WDR72: variants seen among roughly 807,000 people sequenced by gnomAD.
The protein encoded by WDR72 is WD repeat-containing protein 72.
WDR72 carries 120 observed loss-of-function variants against 124.2 expected under a neutral mutation model. That is an observed-to-expected ratio of 0.97 (90% confidence interval 0.83 to 1.12). WDR72 has a LOEUF of 1.12. Ranked by LOEUF, WDR72 falls within the 50% of genes most tolerant of loss-of-function variation. The pLI, the probability that WDR72 is intolerant of heterozygous loss-of-function variation, is 0.00. For synonymous variants in WDR72, 452 were observed against 441.7 expected (o/e 1.02, Z -0.29); for missense variants, 1,387 against 1,278.8 (o/e 1.08, Z -1.29).
intron 4 of WDR72, 124 bp from the exon 5 acceptor site, chr15:53,715,491 G>A (rs548399057): frequency 8.7e-7 from 1 of 1,152,780 alleles, no homozygotes; most frequent in East Asian, 2.6e-5. Context: ...GAACTGAATA[G>A]CAACTAAAAT....
rs762766319 is a variant in WDR72 at position 53,732,993 on chromosome 15, T to C, written c.153+4A>G. 6.2e-7 allele frequency: 1 copy of C among 1,614,058 alleles called. No homozygotes were observed. The highest frequency in any genetic ancestry group is 1.1e-5 in the South Asian group (1 of 91,086). ...CTGTTTCAATATCAGTAGCTTTCAC[T>C]AACCTTTAGTTCATGTGAGAGATTC... On this transcript the variant is annotated splice_donor_region_variant and intron_variant, in intron 2 of 19. Transcript: ENST00000360509.
chr15:53,696,994 A>C (rs773882135), intron 13 of WDR72, among the ~76,000 whole-genome samples: 1 of 152,252 alleles, frequency 6.6e-6, no homozygotes, highest in Non-Finnish European at 1.5e-5. Context: ...TAGAATCATT[A>C]ATACTATCAT....
chr15:53,581,518 G>T (rs1298135904), intron 18 of WDR72, among the ~76,000 whole-genome samples: 1 of 152,044 alleles, frequency 6.6e-6, no homozygotes, highest in African/African-American at 2.4e-5. Context: ...ACAATAAAAT[G>T]AATCTAGTCA....
At position 53,529,164 on chromosome 15, in the gene WDR72, A is replaced by ATATATATTTTTT. The variant is rs59003623; in HGVS notation, c.3149-5843_3149-5842insAAAAAATATATA. ...TTAGCCCATATATATATATATATAT[A>ATATATATTTTTT]TTTTTTTTTTTTTTTTTAAAAGAAT... On this transcript the variant is annotated intron_variant, in intron 18 of 19. Transcript: ENST00000360509. 6.4e-5 allele frequency among the ~76,000 whole-genome samples: 5 copies of ATATATATTTTTT among 78,168 alleles called. 1 individual carries two copies. Among genetic ancestry groups the ATATATATTTTTT allele is most frequent in the African/African-American group, 2.5e-4 (5 of 20,062 alleles). 51.3% of individuals were successfully genotyped at this position (78,168 alleles called of 152,430 possible).
chr15:53,632,877 C>T (rs912845645), intron 14 of WDR72, among the ~76,000 whole-genome samples: 1 of 152,220 alleles, frequency 6.6e-6, no homozygotes, highest in Admixed American at 6.5e-5. Flanking sequence ...AATGTTTGTA[C>T]CCCCATTGTA....
rs1012475344 is a variant in WDR72, at chr15:53,683,042, G to T, written c.1765+16708C>A. ...ACAGTGGTAGGAGAGAAGTGTAAAG[G>T]AGCAACTTCCAAATACTTTTAAAAC... On this transcript the variant is annotated intron_variant, in intron 13 of 19. Coordinates refer to ENST00000360509, the MANE Select transcript of WDR72 (RefSeq NM_182758.4). Among the ~76,000 whole-genome samples, 3 of 152,108 alleles carry T rather than the reference G, an allele frequency of 2.0e-5. No individual in the cohort carries two copies. The South Asian group carries it at 6.2e-4, about 32-fold the overall frequency.
Position 53,597,065 on chromosome 15 carries a change from A to C in WDR72, c.3148+14T>G. On this transcript the variant is annotated intron_variant, in intron 18 of 19. Transcript: ENST00000360509. ...GTTCTGTTGAAAGAGTATACCAATAAATTTTGTACTTACTTTGCAGAGGCA... is the reference window on the plus strand; with the variant it reads ...GTTCTGTTGAAAGAGTATACCAATACATTTTGTACTTACTTTGCAGAGGCA... The C allele has an allele frequency of 1.2e-6, 2 of 1,612,964 alleles. No individual in the cohort carries two copies. Among genetic ancestry groups the C allele is most frequent in the Non-Finnish European group, 1.7e-6 (2 of 1,179,326 alleles).
At chr15:53,739,178 A>C (rs2018439240) in intron 1 of WDR72, among the ~76,000 whole-genome samples, 1 of 152,192 alleles carries the variant, frequency 6.6e-6, no homozygotes, top group African/African-American at 2.4e-5. Context: ...AGACAGAAGG[A>C]GAATGAAGTG....
chr15:53,612,754 C>T (rs928445449), intron 16 of WDR72, among the ~76,000 whole-genome samples: 18 of 151,998 alleles, frequency 1.2e-4, no homozygotes, highest in Non-Finnish European at 1.6e-4. Flanking sequence ...TATACATAGA[C>T]GAGTGAGGTT....
At chr15:53,597,414 C>T in intron 17 of WDR72, 140 bp from the exon 18 acceptor site, 1 of 802,244 alleles carries the variant, frequency 1.2e-6, no homozygotes, top group Non-Finnish European at 1.9e-6. Flanking sequence ...GAATTAGCAT[C>T]CACAACAACT....
chr15:53,616,559 G>C (rs1358868479), intron 14 of WDR72, among the ~76,000 whole-genome samples: 1 of 151,376 alleles, frequency 6.6e-6, no homozygotes, highest in Non-Finnish European at 1.5e-5. Context: ...TACTATTATT[G>C]TCATAAAGAC....
chr15:53,706,358 A>G (rs1320560430), intron 9 of WDR72, among the ~76,000 whole-genome samples: 532 of 39,774 alleles, frequency 0.013, 22 homozygotes, highest in Non-Finnish European at 0.015. Context: ...GTGTATATAT[A>G]TATATATATA....
chr15:53,755,635 G>C (rs190011745), intron 1 of WDR72, among the ~76,000 whole-genome samples: 34 of 152,304 alleles, frequency 2.2e-4, no homozygotes, highest in African/African-American at 7.2e-4. Context: ...TCTTGACTCT[G>C]TTCTCCTCTT....
chr15:53,543,034 C>T (rs1245000107), intron 18 of WDR72, among the ~76,000 whole-genome samples: 1 of 150,818 alleles, frequency 6.6e-6, no homozygotes, highest in Non-Finnish European at 1.5e-5. Context: ...GACTCCCACA[C>T]ATTAATAATG....
intron 18 of WDR72, among the ~76,000 whole-genome samples, chr15:53,537,274 GACATTGTATAATTAT>G (rs1298019421): frequency 6.6e-6 from 1 of 152,136 alleles, no homozygotes; most frequent in African/African-American, 2.4e-5. Context: ...TTAATTGAAT[GACATTGTATAATTAT>G]TAGATGTTCA....
intron 18 of WDR72, among the ~76,000 whole-genome samples, chr15:53,570,191 T>C (rs1291599048): frequency 6.6e-6 from 1 of 152,038 alleles, no homozygotes; most frequent in East Asian, 1.9e-4. Flanking sequence ...CACAACATGA[T>C]GTTTCGAAAT....
chr15:53,724,491 A>G (rs1352384628), intron 2 of WDR72, among the ~76,000 whole-genome samples: 1 of 152,202 alleles, frequency 6.6e-6, no homozygotes, highest in Non-Finnish European at 1.5e-5. Flanking sequence ...GAAACTTACA[A>G]TCATGGTGGA....
chr15:53,699,601 A>G, intron 13 of WDR72, 149 bp downstream of exon 13: 4 of 784,910 alleles, frequency 5.1e-6, no homozygotes, highest in Non-Finnish European at 8.1e-6. Flanking sequence ...TTTTGCACAC[A>G]TGCCTTTAAC....
At chr15:53,703,961 G>A (rs1002738488) in intron 11 of WDR72, among the ~76,000 whole-genome samples, 1 of 152,022 alleles carries the variant, frequency 6.6e-6, no homozygotes, top group Non-Finnish European at 1.5e-5. Flanking sequence ...AAAACTGCTA[G>A]GTCTTTGCTT....
Sources: allele counts gnomAD v4.1 joint callset (sites outside exome capture counted in the v4.1 genomes callset), GRCh38; gene constraint gnomAD v4.1.1; transcripts MANE v1.5; gene names NCBI Gene and HGNC (gene_info 2026-07-23, HGNC 2026-07-21).